The following RNPC3 variants were observed in gnomAD, a reference collection of about 807,000 sequenced individuals.
RNPC3 encodes the protein RNA binding region (RNP1, RRM) containing 3.
A neutral mutation model predicts 67.5 loss-of-function variants in RNPC3; 48 were observed. The observed-to-expected ratio is 0.71, with a 90% CI of 0.56 to 0.90. RNPC3 has a LOEUF of 0.90. Among genes scored for constraint, RNPC3 ranks in the 40% least tolerant of loss-of-function variants. The probability of loss-of-function intolerance (pLI) is 0.00; values close to 1 mark genes in which losing one functional copy is unlikely to be tolerated. For missense variants in RNPC3, 637 were observed against 626.1 expected (o/e 1.02, Z -0.19); for synonymous variants, 239 against 210.3 (o/e 1.14, Z -1.18).
chr1:103,536,524 T>A (rs1650991060), intron 6 of RNPC3, among the ~76,000 whole-genome samples: 1 of 152,178 alleles, frequency 6.6e-6, no homozygotes, highest in Non-Finnish European at 1.5e-5. Flanking sequence ...AATAGAGCTT[T>A]TTTTGCAAAA....
At chr1:103,532,904 T>C (rs1192185273) in intron 2 of RNPC3, among the ~76,000 whole-genome samples, 1 of 152,056 alleles carries the variant, frequency 6.6e-6, no homozygotes, top group Admixed American at 6.5e-5. Flanking sequence ...AGAGGAGTTG[T>C]AGATAGAGGG....
intron 13 of RNPC3, 140 bp downstream of exon 13, chr1:103,551,213 C>G (rs1465737387): frequency 1.5e-6 from 1 of 665,266 alleles, no homozygotes; most frequent in African/African-American, 1.8e-5. Context: ...TTAAACCCAC[C>G]TTACTGAGTC....
chr1:103,551,720 G>T lies in RNPC3; in HGVS notation c.1495-1G>T. 1 of 1,513,158 alleles carries T rather than the reference G, an allele frequency of 6.6e-7. No homozygotes were observed. Among genetic ancestry groups the T allele is most frequent in the South Asian group, 1.3e-5 (1 of 78,484 alleles). 93.7% of individuals were successfully genotyped at this position (1,513,158 alleles called of 1,614,324 possible). ...AGGAAACCTTAATTTTAAATTATTA[G>T]CAGTTTGCTCGATCTGCTAGACCAA... On this transcript the variant is annotated splice_acceptor_variant, in intron 13 of 14. Transcript: ENST00000423855. LOFTEE classifies it high-confidence loss of function.
chr1:103,542,259 A>G (rs1370068512), intron 8 of RNPC3, among the ~76,000 whole-genome samples: 1 of 152,022 alleles, frequency 6.6e-6, no homozygotes, highest in Non-Finnish European at 1.5e-5. Flanking sequence ...GAGAGGAGAT[A>G]TTTGAGCTGG....
At chr1:103,529,122 A>G (rs1032131696) in intron 2 of RNPC3, among the ~76,000 whole-genome samples, 1 of 152,200 alleles carries the variant, frequency 6.6e-6, no homozygotes, top group African/African-American at 2.4e-5. Flanking sequence ...TGAAACTAAT[A>G]GTATACATGT....
In RNPC3 at chr1:103,551,730, C is replaced by T. The variant is rs918108896; in HGVS notation, c.1504C>T (p.Arg502Ter). The T allele has an allele frequency of 1.4e-5, 21 of 1,527,830 alleles. No individual in the cohort carries two copies. Among genetic ancestry groups the T allele is most frequent in the Admixed American group, 4.2e-5 (2 of 48,020 alleles). 94.6% of individuals were successfully genotyped at this position (1,527,830 alleles called of 1,614,324 possible). ...FGKPMVVQFA[R>*]SARPKQDPKE... Reference sequence around the variant, plus strand: ...AATTTTAAATTATTAGCAGTTTGCTCGATCTGCTAGACCAAAACAAGATCC... The same window carrying T: ...AATTTTAAATTATTAGCAGTTTGCTTGATCTGCTAGACCAAAACAAGATCC... The change falls in exon 14 of 15, where the codon CGA (arginine) becomes TGA (stop). Residue 502 changes from arginine (R) to a stop codon, truncating the protein, a stop_gained. Coordinates refer to ENST00000423855, the MANE Select transcript of RNPC3 (RefSeq NM_017619.4). LOFTEE classifies it high-confidence loss of function.
At chr1:103,538,838 A>G (rs557937019) in intron 7 of RNPC3, among the ~76,000 whole-genome samples, 27 of 152,312 alleles carry the variant, frequency 1.8e-4, no homozygotes, top group African/African-American at 5.5e-4. Flanking sequence ...GTTCTTGACA[A>G]TCTATGCATT....
intron 3 of RNPC3, among the ~76,000 whole-genome samples, chr1:103,534,460 C>A (rs959865890): frequency 2.0e-5 from 3 of 151,928 alleles, no homozygotes; most frequent in Non-Finnish European, 4.4e-5. Flanking sequence ...CTGTTTTATA[C>A]CATGTAAACT....
chr1:103,538,041 C>G (rs1036727723), intron 7 of RNPC3, among the ~76,000 whole-genome samples: 1 of 151,948 alleles, frequency 6.6e-6, no homozygotes, highest in Admixed American at 6.6e-5. Flanking sequence ...GATGGGGTTT[C>G]TCCATGTTGG....
intron 9 of RNPC3, 52 bp from the exon 10 acceptor site, chr1:103,544,889 C>G (rs1226017984): frequency 2.4e-6 from 3 of 1,255,326 alleles, no homozygotes; most frequent in Admixed American, 2.9e-5. Flanking sequence ...GACCCAAAAA[C>G]TATTTTTAAA....
chr1:103,547,969 A>G (rs1323772176), intron 12 of RNPC3, among the ~76,000 whole-genome samples: 1 of 152,118 alleles, frequency 6.6e-6, no homozygotes, highest in Non-Finnish European at 1.5e-5. Flanking sequence ...GGAGCTGCCA[A>G]GGCTTGACGT....
chr1:103,545,182 C>A, intron 10 of RNPC3, 80 bp downstream of exon 10: 3 of 1,140,822 alleles, frequency 2.6e-6, no homozygotes, highest in Non-Finnish European at 2.4e-6. Context: ...ATCTGTCATG[C>A]CATTTACCTT....
At chr1:103,545,811 C>T (rs1341587361) in intron 10 of RNPC3, 1 of 152,278 alleles carries the variant, frequency 6.6e-6, no homozygotes, top group Non-Finnish European at 1.5e-5. Flanking sequence ...TTGGGAAATT[C>T]ACTTTAAGCA....
intron 14 of RNPC3, chr1:103,554,046 T>C (rs963670400): frequency 1.3e-5 from 2 of 152,118 alleles, no homozygotes; most frequent in African/African-American, 4.8e-5. Context: ...CACATTGCAG[T>C]GATCTGGAAC....
intron 2 of RNPC3, among the ~76,000 whole-genome samples, chr1:103,531,596 A>G (rs1197155902): frequency 1.3e-5 from 2 of 152,156 alleles, no homozygotes; most frequent in African/African-American, 2.4e-5. Context: ...CATGATCATT[A>G]GTGATGTTGA....
intron 14 of RNPC3, 36 bp from the exon 15 acceptor site, chr1:103,554,998 A>T (rs189680471): frequency 6.6e-6 from 1 of 152,096 alleles, no homozygotes; most frequent in African/African-American, 2.4e-5. Flanking sequence ...CCTGTGTTAT[A>T]CTTCCTATTT....
chr1:103,552,364 G>A (rs1370743484), intron 14 of RNPC3: 3 of 151,766 alleles, frequency 2.0e-5, no homozygotes, highest in Admixed American at 2.0e-4. Context: ...ACCACAGCTT[G>A]AAAACTCCTG....
intron 12 of RNPC3, 103 bp downstream of exon 12, chr1:103,547,138 A>G (rs1468387567): frequency 1.9e-5 from 13 of 701,016 alleles, no homozygotes; most frequent in African/African-American, 5.5e-5. Context: ...GATAAAAATT[A>G]TATGAAAAAG....
At chr1:103,538,147 A>T (rs767782657) in intron 7 of RNPC3, among the ~76,000 whole-genome samples, 6 of 152,072 alleles carry the variant, frequency 3.9e-5, no homozygotes, top group Non-Finnish European at 8.8e-5. Context: ...CCTGGCCTCG[A>T]TGTACTTTTT....
Sources: gnomAD v4.1 joint callset for allele counts (sites outside exome capture counted in the v4.1 genomes callset) on GRCh38, gnomAD v4.1.1 for gene constraint, MANE v1.5 for transcripts, NCBI Gene and HGNC (gene_info 2026-07-23, HGNC 2026-07-21) for gene names.